The following ALG2 variants were observed in gnomAD, a reference collection of about 807,000 sequenced individuals.
ALG2 encodes ALG2 alpha-1,3/1,6-mannosyltransferase, also known as alpha-1,3/1,6-mannosyltransferase ALG2.
A neutral mutation model predicts 30.5 loss-of-function variants in ALG2; 32 were observed. The ratio of observed to expected loss-of-function variants is 1.05; its 90% CI spans 0.79 to 1.41. The LOEUF (loss-of-function observed/expected upper bound fraction) is 1.41. ALG2 is among the 40% of genes most tolerant of loss of function. The pLI is 0.00. For synonymous variants in ALG2, 253 were observed against 224.8 expected (o/e 1.13, Z -1.12); for missense variants, 574 against 526.4 (o/e 1.09, Z -0.88).
rs962112292 is a variant in ALG2, at chr9:99,218,690, G to A, written c.495C>T (p.Tyr165=). Residue 165 remains tyrosine (Y), a synonymous_variant, in exon 2 of 2, where the codon TAC becomes TAT. Transcript: ENST00000476832. ...YRAPIDWIEE[Y]TTGMADCILV... is the part of the protein sequence containing the mutation. Reference sequence around the variant, plus strand: ...AGATGCAGTCTGCCATGCCTGTGGTGTATTCCTCTATCCAGTCAATTGGGG... The same window carrying A: ...AGATGCAGTCTGCCATGCCTGTGGTATATTCCTCTATCCAGTCAATTGGGG... 11 of 1,613,996 alleles carry A rather than the reference G, an allele frequency of 6.8e-6. No homozygotes were observed. Among genetic ancestry groups the A allele is most frequent in the Admixed American group, 1.7e-5 (1 of 59,996 alleles).
Position 99,221,679 on chromosome 9 carries a change from C to G in ALG2, c.216G>C (p.Gly72=), listed in dbSNP as rs531748488. Residue 72 remains glycine, a synonymous_variant, in exon 1 of 2, where the codon GGG becomes GGC. Coordinates refer to ENST00000476832, the MANE Select transcript of ALG2 (RefSeq NM_033087.4). ...ESRELPVRCA[G]DWLPRGLGWG... is the part of the protein sequence containing the mutation. Reference sequence around the variant, plus strand: ...AGCCCAGGCCTCGCGGCAGCCAGTCCCCGGCACAGCGCACCGGTAGCTCGC... The same window carrying G: ...AGCCCAGGCCTCGCGGCAGCCAGTCGCCGGCACAGCGCACCGGTAGCTCGC... 5.1e-6 allele frequency: 8 copies of G among 1,565,442 alleles called. 1 individual carries two copies. Among genetic ancestry groups the G allele is most frequent in the Middle Eastern group, 1.7e-4 (1 of 5,880 alleles).
At position 99,221,582 on chromosome 9, in the gene ALG2, C is replaced by G. The variant is rs199945081; in HGVS notation, c.313G>C (p.Ala105Pro). ...ACTACCACGTCGAACTCCTCGTCGG[C>G]GAGGAACAGCACGTAGAGCGCCAGG... The part of the protein sequence containing the change: ...VFLALYVLFL[A>P]DEEFDVVVCD... The change falls in exon 1 of 2, where the codon GCC becomes CCC. Residue 105 changes from alanine (A) to proline (P), a missense_variant. Transcript: ENST00000476832. The G allele has an allele frequency of 6.5e-7, 1 of 1,544,468 alleles. No homozygotes were observed. Among genetic ancestry groups the G allele is most frequent in the Non-Finnish European group, 8.7e-7 (1 of 1,146,166 alleles).
At position 99,221,764 on chromosome 9, in the gene ALG2, C is replaced by T. The variant is rs763590756; in HGVS notation, c.131G>A (p.Gly44Glu). ...CGCTGTCCAGATCTTCACGCTACAC[C>T]CGCGCGCCTGCAGCGCCAGCGCCGC... Reference protein sequence around the residue: ...LDAALALQARGCSVKIWTAHY... With the variant: ...LDAALALQARECSVKIWTAHY... The change falls in exon 1 of 2, where the codon GGG (glycine) becomes GAG (glutamate). Residue 44 changes from glycine to glutamate, a missense_variant. Gly to Glu is a moderately conservative substitution (Grantham distance 98, BLOSUM62 -2). Coordinates refer to ENST00000476832, the MANE Select transcript of ALG2 (RefSeq NM_033087.4). The T allele has an allele frequency of 6.9e-6, 11 of 1,598,742 alleles. No homozygotes were observed. Among genetic ancestry groups the T allele is most frequent in the Non-Finnish European group, 1.7e-6 (2 of 1,179,560 alleles).
chr9:99,220,854 A>G, intron 1 of ALG2: 1 of 1,022,954 alleles, frequency 9.8e-7, no homozygotes, highest in Non-Finnish European at 1.3e-6. Flanking sequence ...ACATCCTTCT[A>G]TACTACTAAA....
Position 99,216,561 on chromosome 9 carries a change from T to C in ALG2, c.*1373A>G, listed in dbSNP as rs1828692938. The C allele has an allele frequency of 2.2e-6, 1 of 453,968 alleles. No individual in the cohort carries two copies. Among genetic ancestry groups the C allele is most frequent in the Admixed American group, 2.4e-5 (1 of 42,552 alleles). 28.1% of individuals were successfully genotyped at this position (453,968 alleles called of 1,614,324 possible). On this transcript the variant is annotated 3_prime_UTR_variant, in exon 2 of 2. Coordinates refer to ENST00000476832, the MANE Select transcript of ALG2 (RefSeq NM_033087.4). ...CAGATGCACATGATAAACTGTAAAA[T>C]GGAATTTCACCCATTGAAGAGCCCC...
At chr9:99,219,119 A>C (rs528042318) in intron 1 of ALG2, among the ~76,000 whole-genome samples, 2 of 152,374 alleles carry the variant, frequency 1.3e-5, no homozygotes, top group South Asian at 4.1e-4. Flanking sequence ...AATGTTTTTA[A>C]GGGTGAAATT....
intron 1 of ALG2, 82 bp downstream of exon 1, chr9:99,221,465 G>C (rs1322342689): frequency 1.4e-6 from 2 of 1,410,584 alleles, no homozygotes; most frequent in Non-Finnish European, 1.9e-6. Context: ...AGACAGGGAA[G>C]GTCTTCTCTC....
rs1828697062 is a variant in ALG2 at position 99,216,706 on chromosome 9, T to C, written c.*1228A>G. Reference sequence around the variant, plus strand: ...TATATGCCAAGTATTAAGTACTTTGTAATATTATCATAATCTGTTATAACC... The same window carrying C: ...TATATGCCAAGTATTAAGTACTTTGCAATATTATCATAATCTGTTATAACC... On this transcript the variant is annotated 3_prime_UTR_variant, in exon 2 of 2. Coordinates refer to ENST00000476832, the MANE Select transcript of ALG2 (RefSeq NM_033087.4). 2.2e-6 allele frequency: 1 copy of C among 450,130 alleles called. No individual in the cohort carries two copies. The highest frequency in any genetic ancestry group is 4.5e-6 in the Non-Finnish European group (1 of 224,440). The allele number at this position is 450,130 out of a possible 1,614,324, so 27.9% of individuals were successfully genotyped here.
Position 99,216,505 on chromosome 9 carries a change from A to G in ALG2, c.*1429T>C, listed in dbSNP as rs1430711177. ...ATTTTATAGTACTCCTTTTTGGTAC[A>G]GAATCATTTTGCCAAAATACTCCTG... On this transcript the variant is annotated 3_prime_UTR_variant, in exon 2 of 2. Coordinates refer to ENST00000476832, the MANE Select transcript of ALG2 (RefSeq NM_033087.4). 4.4e-6 allele frequency: 2 copies of G among 452,320 alleles called. No homozygotes were observed. Among genetic ancestry groups the G allele is most frequent in the African/African-American group, 2.0e-5 (1 of 49,884 alleles). The allele number at this position is 452,320 out of a possible 1,614,324, so 28.0% of individuals were successfully genotyped here. A position where few individuals can be genotyped will look rare whatever the true frequency, so the allele number is the denominator to read the frequency against.
chr9:99,221,589 C>T lies in ALG2; in HGVS notation c.306G>A (p.Leu102=). 6.5e-7 allele frequency: 1 copy of T among 1,544,446 alleles called. No homozygotes were observed. ...VRMVFLALYV[L]FLADEEFDVV... ...CGTCGAACTCCTCGTCGGCGAGGAACAGCACGTAGAGCGCCAGGAAAACCA... is the reference window on the plus strand; with the variant it reads ...CGTCGAACTCCTCGTCGGCGAGGAATAGCACGTAGAGCGCCAGGAAAACCA... Residue 102 remains leucine (L), a synonymous_variant, in exon 1 of 2, where the codon CTG becomes CTA. Transcript: ENST00000476832.
rs1318162812 is a variant in ALG2, at chr9:99,218,359, C to T, written c.826G>A (p.Glu276Lys). Residue 276 changes from glutamate (E) to lysine (K), a missense_variant, in exon 2 of 2, where the codon GAG becomes AAG. Physicochemically the swap from Glu to Lys is moderately conservative, Grantham distance 56. Transcript: ENST00000476832. ...AATTCCTGATAATGTTCCACATTCT[C>T]CAGGACTCTCTCGTCATAACCACCT... ...VAGGYDERVL[E>K]NVEHYQELKK... 14 of 1,614,242 alleles carry T rather than the reference C, an allele frequency of 8.7e-6. No homozygotes were observed. Among genetic ancestry groups the T allele is most frequent in the Non-Finnish European group, 9.3e-6 (11 of 1,180,050 alleles).
rs181037313 is a variant in ALG2 at position 99,216,609 on chromosome 9, G to A, written c.*1325C>T. ...CCCAAAAGAACAATATGGTAGTGCA[G>A]CATGAACTAACATGCAATTTCTAAT... On this transcript the variant is annotated 3_prime_UTR_variant, in exon 2 of 2. Coordinates refer to ENST00000476832, the MANE Select transcript of ALG2 (RefSeq NM_033087.4). The A allele has an allele frequency of 4.0e-5, 18 of 453,828 alleles. No individual in the cohort carries two copies. The Admixed American group carries it at 4.2e-4, about 11-fold the overall frequency. The allele number at this position is 453,828 out of a possible 1,614,324, so 28.1% of individuals were successfully genotyped here.
chr9:99,218,732 A>G lies in ALG2; in HGVS notation c.453T>C (p.Leu151=), dbSNP rs762532934. The G allele has an allele frequency of 6.2e-7, 1 of 1,614,164 alleles. No homozygotes were observed. Among genetic ancestry groups the G allele is most frequent in the Non-Finnish European group, 8.5e-7 (1 of 1,180,026 alleles). Residue 151 remains leucine (L), a synonymous_variant, in exon 2 of 2, where the codon CTT becomes CTC. Coordinates refer to ENST00000476832, the MANE Select transcript of ALG2 (RefSeq NM_033087.4). ...DLLLTKRDSF[L]KRLYRAPIDW... is the part of the protein sequence containing the mutation. ...CAATTGGGGCCCTGTATAGTCGTTT[A>G]AGAAAAGAATCTCTCTTGGTGAGAA... is the stretch of plus-strand genomic sequence containing the variant.
At chr9:99,219,737 G>A (rs1828759073) in intron 1 of ALG2, among the ~76,000 whole-genome samples, 1 of 152,108 alleles carries the variant, frequency 6.6e-6, no homozygotes, top group South Asian at 2.1e-4. Flanking sequence ...GTAACTTTAG[G>A]GATAATGTGC....
intron 1 of ALG2, among the ~76,000 whole-genome samples, chr9:99,219,250 T>C (rs1828752645): frequency 6.6e-6 from 1 of 152,256 alleles, no homozygotes; most frequent in South Asian, 2.1e-4. Flanking sequence ...AATCGGTTTG[T>C]ATTTTAACTT....
At chr9:99,220,912 G>A (rs2119005024) in intron 1 of ALG2, 3 of 1,302,124 alleles carry the variant, frequency 2.3e-6, no homozygotes, top group Non-Finnish European at 2.0e-6. Flanking sequence ...TTTTTAGGAT[G>A]GGGAAAAATG....
rs759891618 is a variant in ALG2, at chr9:99,221,632, A to ACGG, written c.260_262dup (p.Ala87dup). 4.0e-5 allele frequency: 61 copies of ACGG among 1,540,164 alleles called. No individual in the cohort carries two copies. In the East Asian group the frequency reaches 8.8e-4, roughly 22 times the overall value. The stretch of plus-strand genomic sequence containing the variant: ...GAAAACCATGCGCACGTAGGCGCAG[A>ACGG]CGGCGGCGCCGCGGCCGCCCCAGCC... On this transcript the variant is annotated inframe_insertion, in exon 1 of 2. Coordinates refer to ENST00000476832, the MANE Select transcript of ALG2 (RefSeq NM_033087.4).
Position 99,218,614 on chromosome 9 carries a change from G to A in ALG2, c.571C>T (p.Leu191=), listed in dbSNP as rs1828740241. 1 of 1,614,110 alleles carries A rather than the reference G, an allele frequency of 6.2e-7. No individual in the cohort carries two copies. Among genetic ancestry groups the A allele is most frequent in the Non-Finnish European group, 8.5e-7 (1 of 1,180,050 alleles). The change falls in exon 2 of 2, where the codon CTG becomes TTG. Residue 191 remains leucine, a synonymous_variant. Coordinates refer to ENST00000476832, the MANE Select transcript of ALG2 (RefSeq NM_033087.4). ...AGGACATCAGGGTCTATGTGAGACA[G>A]GGACTTGAATGTTTCCTTAAAAACA... ...AAVFKETFKS[L]SHIDPDVLYP... is the part of the protein sequence containing the mutation.
rs929026741 is a variant in ALG2 at position 99,218,966 on chromosome 9, C to G, written c.349-130G>C. ...GGGCAATGTCTGATTCTGTTTTATTCCCCAAGACTCTCACCCAGTACCATA... is the reference window on the plus strand; with the variant it reads ...GGGCAATGTCTGATTCTGTTTTATTGCCCAAGACTCTCACCCAGTACCATA... On this transcript the variant is annotated intron_variant, in intron 1 of 1. Transcript: ENST00000476832. 8 of 972,504 alleles carry G rather than the reference C, an allele frequency of 8.2e-6. No individual in the cohort carries two copies. The Admixed American group carries it at 9.8e-5, about 12-fold the overall frequency. The allele number at this position is 972,504 out of a possible 1,614,324, so 60.2% of individuals were successfully genotyped here. A position where few individuals can be genotyped will look rare whatever the true frequency, so the allele number is the denominator to read the frequency against.
Sources: allele counts gnomAD v4.1 joint callset (sites outside exome capture counted in the v4.1 genomes callset), GRCh38; gene constraint gnomAD v4.1.1; transcripts MANE v1.5; gene names NCBI Gene and HGNC (gene_info 2026-07-23, HGNC 2026-07-21).